Variants in MTOR observed in about 807,000 individuals in gnomAD.
The protein encoded by MTOR is mechanistic target of rapamycin kinase.
Under a neutral mutation model 319.8 loss-of-function variants are expected in MTOR, and 70 were observed. The observed-to-expected ratio is 0.22, with a 90% CI of 0.18 to 0.27. The LOEUF (loss-of-function observed/expected upper bound fraction) is 0.27. MTOR is among the 10% of genes least tolerant of loss of function. The pLI is 1.00. For synonymous variants in MTOR, 1,183 were observed against 1,211.4 expected (o/e 0.98, Z 0.49); for missense variants, 1,890 against 3,274.4 (o/e 0.58, Z 10.32).
At chr1:11,135,536 T>C (rs925401245) in intron 36 of MTOR, among the ~76,000 whole-genome samples, 3 of 152,210 alleles carry the variant, frequency 2.0e-5, no homozygotes, top group Non-Finnish European at 2.9e-5. Context: ...TTGTTTGTTT[T>C]AAATAAAAAC....
intron 31 of MTOR, among the ~76,000 whole-genome samples, chr1:11,147,764 G>A (rs549241915): frequency 3.9e-5 from 6 of 152,326 alleles, no homozygotes; most frequent in Admixed American, 3.3e-4. Context: ...CTCCACAGGT[G>A]AAGCTTTTCA....
At position 11,241,182 on chromosome 1, in the gene MTOR, G is replaced by T. The variant is rs1054854516; in HGVS notation, c.1541+371C>A. On this transcript the variant is annotated intron_variant, in intron 10 of 57. Coordinates refer to ENST00000361445, the MANE Select transcript of MTOR (RefSeq NM_004958.4). ...TAAAAATACAAAGAATTAGCCAGGC[G>T]TGGTGGCAGGCGCCTGTAGTCCCAG... Among the ~76,000 whole-genome samples the T allele has an allele frequency of 2.0e-5, 3 of 151,884 alleles. No individual in the cohort carries two copies. The East Asian group carries it at 5.8e-4, about 29-fold the overall frequency.
chr1:11,114,742 A>C (rs752620534), intron 52 of MTOR, 71 bp downstream of exon 52: 14 of 1,454,488 alleles, frequency 9.6e-6, no homozygotes, highest in Non-Finnish European at 1.3e-5. Context: ...GGGCTCTAAC[A>C]AGCGTGTTCT....
At chr1:11,190,650 A>C (rs1411273950) in intron 28 of MTOR, among the ~76,000 whole-genome samples, 2 of 152,240 alleles carry the variant, frequency 1.3e-5, no homozygotes, top group Non-Finnish European at 2.9e-5. Context: ...AGATAAATTT[A>C]ATCTTTCTTT....
At chr1:11,136,849 T>G (rs1269948764) in intron 36 of MTOR, among the ~76,000 whole-genome samples, 1 of 151,474 alleles carries the variant, frequency 6.6e-6, no homozygotes, top group Non-Finnish European at 1.5e-5. Context: ...ATCTGATTTT[T>G]TTTTTTTTTG....
chr1:11,192,438 A>T, intron 28 of MTOR: 1 of 1,303,308 alleles, frequency 7.7e-7, no homozygotes. Context: ...GGACTACAAC[A>T]ACAGGGCCAT....
chr1:11,235,724 C>T (rs890260525), intron 13 of MTOR, among the ~76,000 whole-genome samples: 1 of 152,200 alleles, frequency 6.6e-6, no homozygotes, highest in Non-Finnish European at 1.5e-5. Flanking sequence ...TGGCTCACAC[C>T]TGTAATCCCA....
intron 8 of MTOR, among the ~76,000 whole-genome samples, chr1:11,247,010 G>A (rs180971902): frequency 9.2e-5 from 14 of 152,300 alleles, no homozygotes; most frequent in African/African-American, 3.4e-4. Context: ...TACAAGTCAG[G>A]AAGCTGAGGC....
intron 46 of MTOR, 23 bp from the exon 47 acceptor site, chr1:11,124,656 T>A (rs983697863): frequency 2.5e-6 from 4 of 1,599,022 alleles, no homozygotes; most frequent in Non-Finnish European, 3.4e-6. Context: ...GTGGGAGCGG[T>A]GAGTGTACAT....
At chr1:11,220,922 G>A (rs1457978360) in intron 19 of MTOR, among the ~76,000 whole-genome samples, 2 of 152,130 alleles carry the variant, frequency 1.3e-5, no homozygotes, top group Non-Finnish European at 2.9e-5. Context: ...GAAGCTAGAC[G>A]TTGCTAGATA....
chr1:11,121,475 C>G lies in MTOR; in HGVS notation c.6811-107G>C. ...CAGGCAGAGCTGAGTTCTAATTTCC[C>G]CATCATAGCCAAAGGAGAAGGGAAA... On this transcript the variant is annotated intron_variant, in intron 48 of 57. Coordinates refer to ENST00000361445, the MANE Select transcript of MTOR (RefSeq NM_004958.4). This position sits in a 1 kb window ranked among gnomAD's most constrained non-coding sequence, Gnocchi z 4.9. The G allele has an allele frequency of 7.0e-7, 1 of 1,423,022 alleles. No individual in the cohort carries two copies. Among genetic ancestry groups the G allele is most frequent in the Non-Finnish European group, 9.6e-7 (1 of 1,042,864 alleles). 88.1% of individuals were successfully genotyped at this position (1,423,022 alleles called of 1,614,324 possible). A position where few individuals can be genotyped will look rare whatever the true frequency, so the allele number is the denominator to read the frequency against.
chr1:11,258,052 G>C (rs1650648664), intron 3 of MTOR, among the ~76,000 whole-genome samples: 1 of 150,494 alleles, frequency 6.6e-6, no homozygotes, highest in Non-Finnish European at 1.5e-5. Flanking sequence ...GGAGGTTGCA[G>C]CAAGCCAAGA....
intron 49 of MTOR, among the ~76,000 whole-genome samples, chr1:11,118,714 G>A (rs1642330890): frequency 6.8e-6 from 1 of 147,708 alleles, no homozygotes; most frequent in Non-Finnish European, 1.5e-5. Context: ...TGCAACCCTT[G>A]CCTCCTGGCT....
chr1:11,128,580 G>A lies in MTOR; in HGVS notation c.5812-28C>T. On this transcript the variant is annotated intron_variant, in intron 41 of 57. Transcript: ENST00000361445. The surrounding 1 kb of genome is among the most constrained non-coding windows in gnomAD (Gnocchi z 5.3). Reference sequence around the variant, plus strand: ...GGTATTCAAAAAGACACAGTATGTAGCATATGAGACTTGAAACAACTAGTT... The same window carrying A: ...GGTATTCAAAAAGACACAGTATGTAACATATGAGACTTGAAACAACTAGTT... 1 of 1,592,236 alleles carries A rather than the reference G, an allele frequency of 6.3e-7. No homozygotes were observed. Among genetic ancestry groups the A allele is most frequent in the Non-Finnish European group, 8.6e-7 (1 of 1,160,404 alleles).
rs1386736849 is a variant in MTOR at position 11,114,418 on chromosome 1, G to GCATGT, written c.7195_7199dup (p.Cys2400Ter). 6.2e-7 allele frequency: 1 copy of GCATGT among 1,614,156 alleles called. No individual in the cohort carries two copies. The highest frequency in any genetic ancestry group is 8.5e-7 in the Non-Finnish European group (1 of 1,180,030). On this transcript the variant is annotated stop_gained and frameshift_variant, in exon 53 of 58. Coordinates refer to ENST00000361445, the MANE Select transcript of MTOR (RefSeq NM_004958.4). LOFTEE classifies it high-confidence loss of function. ...CTCGCAGCACCTCCATCACTGTGTGGCATGTGATTCTGTAGTTGCCATCCA... is the reference window on the plus strand; with the variant it reads ...CTCGCAGCACCTCCATCACTGTGTGGCATGTCATGTGATTCTGTAGTTGCCATCCA...
chr1:11,211,851 G>C (rs1646322499), intron 23 of MTOR, among the ~76,000 whole-genome samples: 1 of 152,102 alleles, frequency 6.6e-6, no homozygotes, highest in African/African-American at 2.4e-5. Flanking sequence ...CTTTCCTGCT[G>C]TGCCCTGAAC....
intron 36 of MTOR, among the ~76,000 whole-genome samples, chr1:11,137,640 C>T (rs989695331): frequency 6.6e-6 from 1 of 152,154 alleles, no homozygotes; most frequent in Admixed American, 6.6e-5. Context: ...AGGATTTTAG[C>T]TAGGCACAAT....
chr1:11,258,047 T>C (rs1403888761), intron 3 of MTOR, among the ~76,000 whole-genome samples: 2 of 150,960 alleles, frequency 1.3e-5, no homozygotes, highest in African/African-American at 4.9e-5. Flanking sequence ...GAGGCGGAGG[T>C]TGCAGCAAGC....
At chr1:11,260,128 A>T (rs192625229) in intron 1 of MTOR, among the ~76,000 whole-genome samples, 1 of 152,264 alleles carries the variant, frequency 6.6e-6, no homozygotes, top group Non-Finnish European at 1.5e-5. Flanking sequence ...TACTATGTAC[A>T]TGGCAAAATG....
Sources: allele counts gnomAD v4.1 joint callset (sites outside exome capture counted in the v4.1 genomes callset), GRCh38; gene constraint gnomAD v4.1.1; non-coding constraint Gnocchi (gnomAD v3.1); transcripts MANE v1.5; gene names NCBI Gene and HGNC (gene_info 2026-07-23, HGNC 2026-07-21).